Variants in MCM4 observed in about 807,000 individuals in gnomAD.
MCM4 encodes the protein DNA replication licensing factor MCM4.
In MCM4, 60 loss-of-function variants were observed where a neutral mutation model predicts 88.7. That is an observed-to-expected ratio of 0.68 (90% confidence interval 0.55 to 0.84). The LOEUF is 0.84. Ranked by LOEUF, MCM4 falls within the 40% of genes least tolerant of loss-of-function variation. MCM4 has a pLI of 0.00. For synonymous variants in MCM4, 465 were observed against 410.5 expected (o/e 1.13, Z -1.61); for missense variants, 1,149 against 1,105.5 (o/e 1.04, Z -0.56).
chr8:47,966,746 A>G (rs1049566890), intron 9 of MCM4, among the ~76,000 whole-genome samples: 1 of 152,146 alleles, frequency 6.6e-6, no homozygotes, highest in Non-Finnish European at 1.5e-5. Flanking sequence ...ATTTTTCTGA[A>G]ATTTTTTCAC....
rs1422510459 is a variant in MCM4 at position 47,963,032 on chromosome 8, TA to T, written c.686del (p.Tyr229SerfsTer26). 1 of 1,577,202 alleles carries T rather than the reference TA, an allele frequency of 6.3e-7. No homozygotes were observed. The highest frequency in any genetic ancestry group is 8.6e-7 in the Non-Finnish European group (1 of 1,156,206). On this transcript the variant is annotated frameshift_variant, in exon 7 of 17. Transcript: ENST00000649973. LOFTEE classifies it high-confidence loss of function. ...AAATTTGTACAGACAACTCATCTCTTACCCACAGGTAAGAATTTAGCTTTGA... is the reference window on the plus strand; with the variant it reads ...AAATTTGTACAGACAACTCATCTCTTCCCACAGGTAAGAATTTAGCTTTGA... Reference protein sequence around the residue: ...DKNLYRQLISYPQEVIPTFDM... With the variant: ...DKNLYRQLISXPQEVIPTFDM...
chr8:47,971,054 G>T (rs1467556101), intron 12 of MCM4, among the ~76,000 whole-genome samples, 178 bp downstream of exon 12: 1 of 152,186 alleles, frequency 6.6e-6, no homozygotes, highest in Admixed American at 6.5e-5. Flanking sequence ...GTCACGTTTT[G>T]TCTTTATTGC....
At chr8:47,967,223 G>A (rs1358994876) in intron 9 of MCM4, 142 bp from the exon 10 acceptor site, 1 of 907,178 alleles carries the variant, frequency 1.1e-6, no homozygotes, top group Non-Finnish European at 1.6e-6. Flanking sequence ...AATTTCTAAG[G>A]AAATAATGAG....
In MCM4 at chr8:47,963,809, C is replaced by T. The variant is rs1286047545; in HGVS notation, c.694-765C>T. Among the ~76,000 whole-genome samples, 3 of 152,186 alleles carry T rather than the reference C, an allele frequency of 2.0e-5. No homozygotes were observed. In the East Asian group the frequency reaches 5.8e-4, roughly 29 times the overall value. ...AGGCAAGCAGACTTGGTTTTTGAATCTTGGTTTTGCTGATTACTGGCTGCA... is the reference window on the plus strand; with the variant it reads ...AGGCAAGCAGACTTGGTTTTTGAATTTTGGTTTTGCTGATTACTGGCTGCA... On this transcript the variant is annotated intron_variant, in intron 7 of 16. Transcript: ENST00000649973.
chr8:47,971,408 A>G lies in MCM4; in HGVS notation c.1868A>G (p.Gln623Arg), dbSNP rs369540713. The G allele has an allele frequency of 1.6e-5, 26 of 1,614,042 alleles. No homozygotes were observed. The highest frequency in any genetic ancestry group is 6.7e-5 in the East Asian group (3 of 44,902). ...VLAAANPIES[Q>R]WNPKKTTIEN... ...GCAGCAGCAAATCCCATTGAGTCTC[A>G]GTGGAATCCTAAAAAAACAACCATT... The change falls in exon 13 of 17, where the codon CAG becomes CGG. Residue 623 changes from glutamine (Q) to arginine (R), a missense_variant. By Grantham distance (43) the Gln-to-Arg change is conservative. Around this residue, in one of 3 missense-constraint regions of MCM4, gnomAD observed 906 missense variants for 843.0 expected, o/e 1.07. Transcript: ENST00000649973.
chr8:47,975,170 T>C (rs1359711758), intron 15 of MCM4: 29 of 497,698 alleles, frequency 5.8e-5, no homozygotes, highest in Non-Finnish European at 9.9e-5. Context: ...GTTTTGTGTA[T>C]AGTTTTTTTT....
At position 47,961,020 on chromosome 8, in the gene MCM4, C is replaced by A. The variant is rs1466790534; in HGVS notation, c.-15+6C>A. 4 of 1,069,594 alleles carry A rather than the reference C, an allele frequency of 3.7e-6. No individual in the cohort carries two copies. Among genetic ancestry groups the A allele is most frequent in the African/African-American group, 3.4e-5 (2 of 59,476 alleles). The allele number at this position is 1,069,594 out of a possible 1,614,324, so 66.3% of individuals were successfully genotyped here. A position where few individuals can be genotyped will look rare whatever the true frequency, so the allele number is the denominator to read the frequency against. On this transcript the variant is annotated splice_donor_region_variant and intron_variant, in intron 1 of 16. Coordinates refer to ENST00000649973, the MANE Select transcript of MCM4 (RefSeq NM_182746.3). ...CAAGCGGCCGCCTTTCCACGGTAAC[C>A]GCGCGCCGGCGGGGAGGGCGTGGCG...
At chr8:47,965,059 A>G (rs1388993752) in intron 8 of MCM4, among the ~76,000 whole-genome samples, 2 of 151,948 alleles carry the variant, frequency 1.3e-5, no homozygotes, top group Admixed American at 6.6e-5. Context: ...CTAAAAATAG[A>G]AAAATTACCA....
At position 47,976,729 on chromosome 8, in the gene MCM4, C is replaced by G. The variant is rs1421670001; in HGVS notation, c.2543C>G (p.Ala848Gly). The change falls in exon 17 of 17, where the codon GCA (alanine) becomes GGA (glycine). Residue 848 changes from alanine (A) to glycine (G), a missense_variant. Ala to Gly is a moderately conservative substitution (Grantham distance 60, BLOSUM62 0). This residue lies in a region of MCM4 where 238 missense variants were observed against 241.6 expected (regional missense o/e 0.99). Transcript: ENST00000649973. ...DMFEEALRAL[A>G]DDDFLTVTGK... ...TTTGAAGAAGCACTGCGTGCCCTGGCAGATGATGATTTCCTGACAGTGACT... is the reference window on the plus strand; with the variant it reads ...TTTGAAGAAGCACTGCGTGCCCTGGGAGATGATGATTTCCTGACAGTGACT... 3.7e-6 allele frequency: 6 copies of G among 1,613,620 alleles called. No individual in the cohort carries two copies. The highest frequency in any genetic ancestry group is 4.2e-6 in the Non-Finnish European group (5 of 1,179,620).
chr8:47,972,978 A>C lies in MCM4; in HGVS notation c.2050A>C (p.Met684Leu). The C allele has an allele frequency of 1.2e-6, 2 of 1,614,156 alleles. No individual in the cohort carries two copies. The highest frequency in any genetic ancestry group is 1.7e-6 in the Non-Finnish European group (2 of 1,180,010). ...GCAGGCAGAGGAGGAGCTCCTGGACATGGCGGTGCTAAAGGACTACATTGC... is the reference window on the plus strand; with the variant it reads ...GCAGGCAGAGGAGGAGCTCCTGGACCTGGCGGTGCTAAAGGACTACATTGC... ...EEQAEEELLDMAVLKDYIAYA... is the reference protein window; with the variant it reads ...EEQAEEELLDLAVLKDYIAYA... Residue 684 changes from methionine (M) to leucine (L), a missense_variant, in exon 14 of 17, where the codon ATG (methionine) becomes CTG (leucine). Transcript: ENST00000649973.
rs2091003036 is a variant in MCM4, at chr8:47,976,620, G to A, written c.2500-66G>A. ...GTGGTACTTTAACATTATAATTATTGTGTTTCTAACAGGTAAAGGAGGGAC... is the reference window on the plus strand; with the variant it reads ...GTGGTACTTTAACATTATAATTATTATGTTTCTAACAGGTAAAGGAGGGAC... On this transcript the variant is annotated intron_variant, in intron 16 of 16. Coordinates refer to ENST00000649973, the MANE Select transcript of MCM4 (RefSeq NM_182746.3). 4 of 1,121,792 alleles carry A rather than the reference G, an allele frequency of 3.6e-6. No individual in the cohort carries two copies. In the East Asian group the frequency reaches 9.6e-5, roughly 27 times the overall value. The allele number at this position is 1,121,792 out of a possible 1,614,324, so 69.5% of individuals were successfully genotyped here.
chr8:47,964,054 T>C (rs1437367038), intron 7 of MCM4, among the ~76,000 whole-genome samples: 1 of 152,056 alleles, frequency 6.6e-6, no homozygotes, highest in African/African-American at 2.4e-5. Flanking sequence ...AGAAACCCCG[T>C]CTCTATTAAA....
intron 2 of MCM4, 88 bp downstream of exon 2, chr8:47,961,302 G>A: frequency 7.0e-7 from 1 of 1,425,462 alleles, no homozygotes; most frequent in South Asian, 1.5e-5. Flanking sequence ...GTGGGTGCGC[G>A]GGACCCGGGC....
In MCM4 at chr8:47,974,338, GC is replaced by G. The variant is rs369565290; in HGVS notation, c.2137-392del. On this transcript the variant is annotated intron_variant, in intron 14 of 16. Coordinates refer to ENST00000649973, the MANE Select transcript of MCM4 (RefSeq NM_182746.3). ...CAGCAATCCTTATGAGCCCCATTGT[GC>G]CCCATGTGAGCACTTTTCCCAGACA... The G allele has an allele frequency of 1.2e-3, 228 of 185,774 alleles. 2 individuals are homozygous for G. The highest frequency in any genetic ancestry group is 5.0e-3 in the African/African-American group (214 of 43,232). The allele number at this position is 185,774 out of a possible 1,614,324, so 11.5% of individuals were successfully genotyped here.
intron 1 of MCM4, 47 bp downstream of exon 1, chr8:47,961,061 C>T (rs1282524816): frequency 2.9e-6 from 4 of 1,402,994 alleles, no homozygotes; most frequent in Non-Finnish European, 3.8e-6. Flanking sequence ...CCGACGGGAA[C>T]GTCCGCGCTG....
At chr8:47,976,232 G>A (rs2090999286) in intron 16 of MCM4, among the ~76,000 whole-genome samples, 1 of 151,244 alleles carries the variant, frequency 6.6e-6, no homozygotes, top group South Asian at 2.1e-4. Context: ...GGCGGAGGTT[G>A]CAGTAAGCTG....
Position 47,976,856 on chromosome 8 carries a change from C to A in MCM4, c.*78C>A. ...TGGGTGTGGTCTGCATCTCAGTTGG[C>A]CGCCATCAGTGTAAATAGAGCTTAA... On this transcript the variant is annotated 3_prime_UTR_variant, in exon 17 of 17. Transcript: ENST00000649973. 1.1e-6 allele frequency: 1 copy of A among 916,448 alleles called. No individual in the cohort carries two copies. The allele number at this position is 916,448 out of a possible 1,614,324, so 56.8% of individuals were successfully genotyped here.
At position 47,976,720 on chromosome 8, in the gene MCM4, G is replaced by A. The variant is rs143217620; in HGVS notation, c.2534G>A (p.Arg845His). The A allele has an allele frequency of 4.3e-4, 696 of 1,613,514 alleles. 2 individuals are homozygous for A. Among genetic ancestry groups the A allele is most frequent in the African/African-American group, 3.1e-3 (232 of 75,038 alleles). The stretch of plus-strand genomic sequence containing the variant: ...AAAGATATGTTTGAAGAAGCACTGC[G>A]TGCCCTGGCAGATGATGATTTCCTG... ...ITKDMFEEAL[R>H]ALADDDFLTV... The change falls in exon 17 of 17, where the codon CGT becomes CAT. Residue 845 changes from arginine (R) to histidine (H), a missense_variant. Arg to His is a conservative substitution (Grantham distance 29). Coordinates refer to ENST00000649973, the MANE Select transcript of MCM4 (RefSeq NM_182746.3).
In MCM4 at chr8:47,960,971, C is replaced by G; in HGVS notation, c.-58C>G. ...TTGGGAGCGCTACTCGCCAGGTGGACTCGGAGTCCGCGAGCGTCGTCGGCA... is the reference window on the plus strand; with the variant it reads ...TTGGGAGCGCTACTCGCCAGGTGGAGTCGGAGTCCGCGAGCGTCGTCGGCA... On this transcript the variant is annotated 5_prime_UTR_variant, in exon 1 of 17. Transcript: ENST00000649973. 2 of 622,598 alleles carry G rather than the reference C, an allele frequency of 3.2e-6. No individual in the cohort carries two copies. The highest frequency in any genetic ancestry group is 5.1e-6 in the Non-Finnish European group (2 of 395,786). 38.6% of individuals were successfully genotyped at this position (622,598 alleles called of 1,614,324 possible). A position where few individuals can be genotyped will look rare whatever the true frequency, so the allele number is the denominator to read the frequency against.
Sources: gnomAD v4.1 joint callset for allele counts (sites outside exome capture counted in the v4.1 genomes callset) on GRCh38, gnomAD v4.1.1 for gene constraint, gnomAD v4.1.1 regional missense constraint, MANE v1.5 for transcripts, NCBI Gene and HGNC (gene_info 2026-07-23, HGNC 2026-07-21) for gene names.